PLCH2: variants seen among roughly 807,000 people sequenced by gnomAD.
PLCH2 encodes the protein 1-phosphatidylinositol 4,5-bisphosphate phosphodiesterase eta-2.
PLCH2 carries 98 observed loss-of-function variants against 134.7 expected under a neutral mutation model. The ratio of observed to expected loss-of-function variants is 0.73; its 90% CI spans 0.62 to 0.86. The LOEUF is 0.86. Among genes scored for constraint, PLCH2 ranks in the 40% least tolerant of loss-of-function variants. The probability of loss-of-function intolerance (pLI) is 0.00; values close to 1 mark genes in which losing one functional copy is unlikely to be tolerated. For missense variants in PLCH2, 1,994 were observed against 1,986.6 expected (o/e 1.00, Z -0.07); for synonymous variants, 974 against 827.5 (o/e 1.18, Z -3.04).
In PLCH2 at chr1:2,502,403, C is replaced by G; in HGVS notation, c.2953C>G (p.Pro985Ala). 6.5e-7 allele frequency: 1 copy of G among 1,544,002 alleles called. No homozygotes were observed. The change falls in exon 21 of 22, where the codon CCC (proline) becomes GCC (alanine). Residue 985 changes from proline (P) to alanine (A), a missense_variant. By Grantham distance (27) the Pro-to-Ala change is conservative. Coordinates refer to ENST00000378486, the MANE Select transcript of PLCH2 (RefSeq NM_014638.4). ...PAQEGPGSGS[P>A]RDTRPLSTQR... The stretch of plus-strand genomic sequence containing the variant: ...CCAGGAGGGGCCCGGCAGCGGCAGC[C>G]CCCGAGGTAAGGCGCCAGCTGCGGT...
At chr1:2,445,133 C>T (rs1166502970) in intron 2 of PLCH2, among the ~76,000 whole-genome samples, 1 of 152,132 alleles carries the variant, frequency 6.6e-6, no homozygotes, top group East Asian at 1.9e-4. Flanking sequence ...AAGCCAGGGC[C>T]ACATTCTCCG....
intron 1 of PLCH2, among the ~76,000 whole-genome samples, chr1:2,428,736 G>A (rs1638924161): frequency 6.6e-6 from 1 of 152,262 alleles, no homozygotes; most frequent in African/African-American, 2.4e-5. Flanking sequence ...ACGGTGGCTG[G>A]ATCAGCTCAA....
At chr1:2,467,170 G>T (rs1412290270), upstream of PLCH2, among the ~76,000 whole-genome samples, 1 of 151,846 alleles carries the variant, frequency 6.6e-6, no homozygotes, top group African/African-American at 2.4e-5. Flanking sequence ...CTCAGTAGGA[G>T]GAGCCCTGCC....
rs565506242 is a variant in PLCH2 at position 2,503,171 on chromosome 1, T to C, written c.2960-751T>C. On this transcript the variant is annotated intron_variant, in intron 21 of 21. Coordinates refer to ENST00000378486, the MANE Select transcript of PLCH2 (RefSeq NM_014638.4). The stretch of plus-strand genomic sequence containing the variant: ...CGACAGGCTGGGAAGAACCAGCTGC[T>C]CTTGCTGAGGGTCTGGGGCCGGGAC... 6.4e-6 allele frequency: 4 copies of C among 625,070 alleles called. No individual in the cohort carries two copies. In the South Asian group the frequency reaches 7.1e-5, roughly 11 times the overall value. 38.7% of individuals were successfully genotyped at this position (625,070 alleles called of 1,614,324 possible). A position where few individuals can be genotyped will look rare whatever the true frequency, so the allele number is the denominator to read the frequency against.
chr1:2,436,477 CCCTCCTCCCCTCCTCCCT>C (rs1315142737), intron 2 of PLCH2, among the ~76,000 whole-genome samples: 1,703 of 54,922 alleles, frequency 0.031, 243 homozygotes, highest in East Asian at 0.049. Flanking sequence ...CCTCCTTCCT[CCCTCCTCCCCTCCTCCCT>C]CCTCCTCCTT....
At position 2,480,311 on chromosome 1, in the gene PLCH2, G is replaced by T. The variant is rs755926522; in HGVS notation, c.644G>T (p.Arg215Met). The T allele has an allele frequency of 5.0e-6, 8 of 1,611,384 alleles. No individual in the cohort carries two copies. In the African/African-American group the frequency reaches 1.1e-4, roughly 22 times the overall value. ...CGGCAGAGGGTGAAGCAGATGTTCA[G>T]GGTGAGCTGGGGGGAGCCCTACCTG... ...LPRQRVKQMF[R>M]EADTDDHQGT... is the part of the protein sequence containing the mutation. Residue 215 changes from arginine to methionine, a missense_variant and splice_region_variant, in exon 4 of 22, where the codon AGG becomes ATG. Physicochemically the swap from Arg to Met is moderately conservative, Grantham distance 91. This residue lies in a region of PLCH2 where 1,094 missense variants were observed against 1,234.3 expected (regional missense o/e 0.89). Coordinates refer to ENST00000378486, the MANE Select transcript of PLCH2 (RefSeq NM_014638.4).
At chr1:2,463,249 G>C (rs1038341129), upstream of PLCH2, among the ~76,000 whole-genome samples, 1 of 152,166 alleles carries the variant, frequency 6.6e-6, no homozygotes, top group Admixed American at 6.5e-5. Flanking sequence ...GTGAGACCCC[G>C]GGCAAGAGTC....
Position 2,434,736 on chromosome 1 carries a change from C to T in PLCH2, c.115+4107C>T, listed in dbSNP as rs576632669. ...GCCGCACTAAAAGTGGGGAGAGCCT[C>T]GCCGGTTGTGTCCCCACTCTGGGGC... On this transcript the variant is annotated intron_variant, in intron 2 of 3. Coordinates refer to the PLCH2 transcript ENST00000609981. 2.9e-4 allele frequency among the ~76,000 whole-genome samples: 44 copies of T among 152,344 alleles called. No homozygotes were observed. The South Asian group carries it at 7.9e-3, about 27-fold the overall frequency.
At chr1:2,488,218 C>T (rs531518365) in intron 8 of PLCH2, among the ~76,000 whole-genome samples, 1 of 152,296 alleles carries the variant, frequency 6.6e-6, no homozygotes, top group East Asian at 1.9e-4. Flanking sequence ...ATTTAGGAAA[C>T]AGAAGTAGAT....
intron 2 of PLCH2, among the ~76,000 whole-genome samples, chr1:2,455,052 C>G (rs569513513): frequency 1.3e-5 from 2 of 152,310 alleles, no homozygotes; most frequent in South Asian, 2.1e-4. Context: ...CCAGAAGGCT[C>G]TGCTCCTCCC....
rs1276026896 is a variant in PLCH2, at chr1:2,497,626, C to A, written c.2224+17C>A. The A allele has an allele frequency of 5.3e-6, 8 of 1,517,410 alleles. No individual in the cohort carries two copies. The highest frequency in any genetic ancestry group is 1.4e-5 in the African/African-American group (1 of 72,578). The allele number at this position is 1,517,410 out of a possible 1,614,324, so 94.0% of individuals were successfully genotyped here. A position where few individuals can be genotyped will look rare whatever the true frequency, so the allele number is the denominator to read the frequency against. On this transcript the variant is annotated intron_variant, in intron 16 of 21. Transcript: ENST00000378486. ...TGTGCCAGGGTGAGGCACTCGGACA[C>A]TCAGGGCTCGGACGCTCAGGGCTCG...
chr1:2,471,737 C>T (rs565156542), upstream of PLCH2, among the ~76,000 whole-genome samples: 24 of 152,272 alleles, frequency 1.6e-4, no homozygotes, highest in African/African-American at 4.1e-4. Context: ...CCTGTCCCCA[C>T]GCTCTAGGAC....
chr1:2,454,711 C>T (rs995316625), intron 2 of PLCH2, among the ~76,000 whole-genome samples: 6 of 152,180 alleles, frequency 3.9e-5, no homozygotes, highest in Admixed American at 1.3e-4. Flanking sequence ...TGGGATAAAC[C>T]GGGAATGGTG....
chr1:2,481,384 G>A (rs1166489482), intron 4 of PLCH2, among the ~76,000 whole-genome samples: 6 of 152,236 alleles, frequency 3.9e-5, no homozygotes, highest in Admixed American at 2.0e-4. Flanking sequence ...GCATGTCTGC[G>A]CCCCTTCTCC....
At chr1:2,418,070 G>T in the PLCH2 span, among the ~76,000 whole-genome samples, 4 of 152,226 alleles carry the variant, frequency 2.6e-5, no homozygotes, top group African/African-American at 9.6e-5. Context: ...AGGCACTCAG[G>T]AACCTGCAGG....
At chr1:2,491,460 A>G in intron 11 of PLCH2, 125 bp downstream of exon 11, 1 of 957,620 alleles carries the variant, frequency 1.0e-6, no homozygotes, top group Non-Finnish European at 1.6e-6. Context: ...ACAAATCTGC[A>G]CACAAGCATA....
At chr1:2,475,282 C>T (rs115058054), upstream of PLCH2, among the ~76,000 whole-genome samples, 1,112 of 152,292 alleles carry the variant, frequency 7.3e-3, 11 homozygotes, top group African/African-American at 0.025. Context: ...TGGGGGGAGG[C>T]GAGCAGCTGC....
At chr1:2,474,743 G>C (rs1262021778), upstream of PLCH2, among the ~76,000 whole-genome samples, 1 of 152,158 alleles carries the variant, frequency 6.6e-6, no homozygotes, top group Non-Finnish European at 1.5e-5. Flanking sequence ...AGGCCAGGAG[G>C]CCTCTGAGGT....
intron 2 of PLCH2, among the ~76,000 whole-genome samples, chr1:2,459,175 C>T (rs995266445): frequency 6.6e-5 from 10 of 152,266 alleles, no homozygotes; most frequent in East Asian, 3.8e-4. Context: ...CTGGGCCTCC[C>T]GTTGGCCCTG....
Sources: allele counts gnomAD v4.1 joint callset (sites outside exome capture counted in the v4.1 genomes callset), GRCh38; gene constraint gnomAD v4.1.1; regional missense constraint gnomAD v4.1.1; transcripts MANE v1.5; gene names NCBI Gene and HGNC (gene_info 2026-07-23, HGNC 2026-07-21).